Variants in MCTP1 observed in about 807,000 individuals in gnomAD.
The protein encoded by MCTP1 is multiple C2 and transmembrane domain-containing protein 1.
In MCTP1, 69 loss-of-function variants were observed where a neutral mutation model predicts 120.6. The observed-to-expected ratio is 0.57, with a 90% CI of 0.47 to 0.70. MCTP1 has a LOEUF of 0.70. Ranked by LOEUF, MCTP1 falls within the 30% of genes least tolerant of loss-of-function variation. The pLI is 0.00. For missense variants in MCTP1, 1,203 were observed against 1,248.8 expected (o/e 0.96, Z 0.55); for synonymous variants, 529 against 493.1 (o/e 1.07, Z -0.96).
intron 1 of MCTP1, among the ~76,000 whole-genome samples, chr5:95,061,459 G>A (rs914303769): frequency 1.1e-4 from 4 of 34,934 alleles, no homozygotes; most frequent in Middle Eastern, 0.038. Flanking sequence ...TTTTTGAGAC[G>A]GAGTCTCGCT....
intron 1 of MCTP1, among the ~76,000 whole-genome samples, chr5:95,070,917 G>T (rs1011647597): frequency 6.6e-6 from 1 of 152,176 alleles, no homozygotes; most frequent in Non-Finnish European, 1.5e-5. Context: ...GAAGAGTCTG[G>T]CATCTCTCAG....
At chr5:95,230,377 T>C (rs777819683) in intron 1 of MCTP1, among the ~76,000 whole-genome samples, 13 of 152,076 alleles carry the variant, frequency 8.5e-5, no homozygotes, top group Non-Finnish European at 1.6e-4. Context: ...TTGCGTAAGG[T>C]ATGTAAGTTT....
At chr5:95,269,190 T>C (rs1048155668) in intron 1 of MCTP1, among the ~76,000 whole-genome samples, 16 of 149,962 alleles carry the variant, frequency 1.1e-4, no homozygotes, top group African/African-American at 3.9e-4. Context: ...CATGCTGGTA[T>C]TATTATTATT....
chr5:95,009,988 T>A (rs1835593160), intron 2 of MCTP1, among the ~76,000 whole-genome samples: 1 of 152,184 alleles, frequency 6.6e-6, no homozygotes, highest in Non-Finnish European at 1.5e-5. Flanking sequence ...TTCTAGTGAA[T>A]GTGGCTGTGG....
chr5:94,845,398 C>T (rs1470046088), intron 17 of MCTP1, among the ~76,000 whole-genome samples: 1 of 152,124 alleles, frequency 6.6e-6, no homozygotes, highest in Non-Finnish European at 1.5e-5. Flanking sequence ...AACCGGGCCC[C>T]ATGATTCAAT....
chr5:94,870,358 G>A, intron 16 of MCTP1, 59 bp downstream of exon 16: 1 of 1,133,488 alleles, frequency 8.8e-7, no homozygotes, highest in Non-Finnish European at 1.3e-6. Flanking sequence ...AATTTACTTA[G>A]ATGTTTTACA....
chr5:95,006,226 A>C (rs1488898430), intron 2 of MCTP1, among the ~76,000 whole-genome samples: 1 of 152,042 alleles, frequency 6.6e-6, no homozygotes, highest in African/African-American at 2.4e-5. Context: ...ATTATTCAGA[A>C]GCTTTTATAT....
At chr5:94,932,041 T>C (rs755059502) in intron 5 of MCTP1, 50 bp from the exon 6 acceptor site, 12 of 1,300,648 alleles carry the variant, frequency 9.2e-6, no homozygotes, top group Admixed American at 1.8e-5. Flanking sequence ...AAGAACAGAA[T>C]AGGGCAGCCA....
At chr5:95,147,895 T>C (rs911344059) in intron 1 of MCTP1, among the ~76,000 whole-genome samples, 1 of 152,216 alleles carries the variant, frequency 6.6e-6, no homozygotes, top group Admixed American at 6.5e-5. Flanking sequence ...GTTCATCTGG[T>C]GGTAACAACT....
At chr5:94,876,580 TCTCA>T (rs1798920981) in intron 12 of MCTP1, among the ~76,000 whole-genome samples, 1 of 152,168 alleles carries the variant, frequency 6.6e-6, no homozygotes, top group Non-Finnish European at 1.5e-5. Flanking sequence ...TTTTTCTCTC[TCTCA>T]CTCATTTTTG....
intron 4 of MCTP1, among the ~76,000 whole-genome samples, chr5:94,940,624 A>T (rs1210317171): frequency 6.8e-6 from 1 of 147,654 alleles, no homozygotes; most frequent in African/African-American, 2.5e-5. Flanking sequence ...ATGTGTATAT[A>T]TATACACATA....
At chr5:94,819,764 G>A (rs1163818851) in intron 17 of MCTP1, among the ~76,000 whole-genome samples, 1 of 152,170 alleles carries the variant, frequency 6.6e-6, no homozygotes, top group African/African-American at 2.4e-5. Context: ...CTAACAGCAG[G>A]AGGATTGTAG....
At chr5:94,930,090 C>T (rs1013877116) in intron 6 of MCTP1, among the ~76,000 whole-genome samples, 3 of 151,622 alleles carry the variant, frequency 2.0e-5, no homozygotes, top group African/African-American at 4.8e-5. Context: ...AAATGGATTG[C>T]TAATAATAAA....
chr5:95,212,572 T>A (rs113392115), intron 1 of MCTP1, among the ~76,000 whole-genome samples: 1 of 151,872 alleles, frequency 6.6e-6, no homozygotes, highest in Non-Finnish European at 1.5e-5. Flanking sequence ...AAAGAGAATT[T>A]TAGACCAATA....
chr5:95,188,984 T>C (rs1749539883), intron 1 of MCTP1, among the ~76,000 whole-genome samples: 1 of 152,036 alleles, frequency 6.6e-6, no homozygotes. Flanking sequence ...AAATCACACG[T>C]GAATCTAAAA....
At chr5:95,176,282 T>G (rs1358796147) in intron 1 of MCTP1, among the ~76,000 whole-genome samples, 1 of 152,248 alleles carries the variant, frequency 6.6e-6, no homozygotes, top group East Asian at 1.9e-4. Context: ...CCCAGAACTT[T>G]GGGAGGCAAA....
At chr5:94,912,048 G>T (rs1389396441) in intron 9 of MCTP1, among the ~76,000 whole-genome samples, 2 of 152,068 alleles carry the variant, frequency 1.3e-5, no homozygotes, top group Non-Finnish European at 2.9e-5. Context: ...TTTAAAATTT[G>T]CTATTTGCAT....
intron 1 of MCTP1, among the ~76,000 whole-genome samples, chr5:95,201,974 G>C (rs1022130408): frequency 1.3e-5 from 2 of 152,140 alleles, no homozygotes; most frequent in Non-Finnish European, 2.9e-5. Flanking sequence ...AAACATTTCT[G>C]TGATAATTAA....
intron 1 of MCTP1, among the ~76,000 whole-genome samples, chr5:95,095,389 T>G (rs896650009): frequency 1.3e-5 from 2 of 152,172 alleles, no homozygotes; most frequent in African/African-American, 4.8e-5. Context: ...ACAGAGGGCA[T>G]TTTTTATGGT....
Sources: allele counts gnomAD v4.1 joint callset (sites outside exome capture counted in the v4.1 genomes callset), GRCh38; gene constraint gnomAD v4.1.1; transcripts MANE v1.5; gene names NCBI Gene and HGNC (gene_info 2026-07-23, HGNC 2026-07-21).